HMGB1: variants seen among roughly 807,000 people sequenced by gnomAD.
HMGB1 encodes high mobility group protein B1.
For missense variants in HMGB1, 79 were observed against 253.5 expected (o/e 0.31, Z 4.67); for synonymous variants, 81 against 84.0 (o/e 0.96, Z 0.19).
intron 1 of HMGB1, among the ~76,000 whole-genome samples, chr13:30,546,368 C>T (rs1164081485): frequency 2.6e-5 from 4 of 152,230 alleles, no homozygotes; most frequent in Non-Finnish European, 2.9e-5. Context: ...CCTGCCTTGG[C>T]CTCCCAAAAT....
At chr13:30,605,754 TTC>T (rs947953858) in intron 1 of HMGB1, among the ~76,000 whole-genome samples, 9 of 152,212 alleles carry the variant, frequency 5.9e-5, no homozygotes, top group East Asian at 1.9e-4. Flanking sequence ...GGATTTTTTT[TTC>T]TCTCATTTTA....
At chr13:30,490,754 G>T (rs1887471712) in intron 1 of HMGB1, among the ~76,000 whole-genome samples, 2 of 151,992 alleles carry the variant, frequency 1.3e-5, no homozygotes, top group South Asian at 4.1e-4. Flanking sequence ...CTACATTCCA[G>T]CTTGGGCGAC....
intron 1 of HMGB1, among the ~76,000 whole-genome samples, chr13:30,614,183 G>A (rs1326227444): frequency 6.6e-6 from 1 of 152,168 alleles, no homozygotes; most frequent in East Asian, 1.9e-4. Flanking sequence ...TGCTTCCTAG[G>A]CAGAAAATGA....
intron 1 of HMGB1, among the ~76,000 whole-genome samples, chr13:30,510,461 A>C (rs1183766099): frequency 1.3e-5 from 2 of 152,228 alleles, no homozygotes; most frequent in Admixed American, 6.5e-5. Context: ...TCTGGGAAAA[A>C]AAAGAAAGGA....
At chr13:30,538,615 TTCTC>T (rs397838149) in intron 1 of HMGB1, among the ~76,000 whole-genome samples, 70 of 123,150 alleles carry the variant, frequency 5.7e-4, no homozygotes, top group South Asian at 2.4e-3. Context: ...TTCTTTCTCT[TTCTC>T]TCTCTCTTTC....
chr13:30,495,900 T>C (rs1176881374), intron 1 of HMGB1, among the ~76,000 whole-genome samples: 1 of 152,214 alleles, frequency 6.6e-6, no homozygotes. Context: ...GCTGCTTTTC[T>C]CTGATTGTGG....
At chr13:30,540,036 T>C (rs1868790779) in intron 1 of HMGB1, 1 of 155,394 alleles carries the variant, frequency 6.4e-6, no homozygotes, top group Non-Finnish European at 1.4e-5. Flanking sequence ...CAATCTCTCC[T>C]AACTGGTAGA....
At chr13:30,496,574 G>A (rs1887613687) in intron 1 of HMGB1, among the ~76,000 whole-genome samples, 2 of 152,228 alleles carry the variant, frequency 1.3e-5, no homozygotes, top group African/African-American at 4.8e-5. Context: ...AATGGACCAA[G>A]AAAGCAGCGT....
At chr13:30,470,500 C>T (rs986515051), upstream of HMGB1, among the ~76,000 whole-genome samples, 1 of 152,200 alleles carries the variant, frequency 6.6e-6, no homozygotes, top group Admixed American at 6.5e-5. Context: ...TAGAGAAACA[C>T]ATATAGTCTA....
At chr13:30,547,271 A>T (rs1030408984) in intron 1 of HMGB1, among the ~76,000 whole-genome samples, 1 of 152,234 alleles carries the variant, frequency 6.6e-6, no homozygotes, top group Non-Finnish European at 1.5e-5. Flanking sequence ...CAGGTAAGGC[A>T]CTGCTCCAGT....
chr13:30,547,609 C>A (rs1869220986), intron 1 of HMGB1, among the ~76,000 whole-genome samples: 1 of 151,942 alleles, frequency 6.6e-6, no homozygotes, highest in Non-Finnish European at 1.5e-5. Flanking sequence ...AGAGTCCTTA[C>A]AAACAGGACT....
intron 1 of HMGB1, among the ~76,000 whole-genome samples, chr13:30,608,692 C>G (rs879675766): frequency 3.3e-5 from 5 of 152,216 alleles, no homozygotes; most frequent in African/African-American, 1.2e-4. Flanking sequence ...AAGCTCTATT[C>G]TTGTTGATAG....
chr13:30,614,590 T>C (rs1410347009), intron 1 of HMGB1, among the ~76,000 whole-genome samples: 1 of 152,246 alleles, frequency 6.6e-6, no homozygotes, highest in Admixed American at 6.5e-5. Context: ...TGGGATTAGA[T>C]GTCAGATATT....
intron 1 of HMGB1, among the ~76,000 whole-genome samples, chr13:30,491,782 C>T (rs1382725379): frequency 1.3e-5 from 2 of 151,818 alleles, no homozygotes; most frequent in East Asian, 3.9e-4. Flanking sequence ...AAGAGTTAAA[C>T]AGAGGAGAAG....
chr13:30,595,177 T>C (rs138464666), intron 1 of HMGB1, among the ~76,000 whole-genome samples: 113 of 152,314 alleles, frequency 7.4e-4, no homozygotes, highest in African/African-American at 1.7e-3. Flanking sequence ...TGTTGAAATG[T>C]AGTCTCAGAT....
At chr13:30,538,582 TTC>T (rs1392207682) in intron 1 of HMGB1, among the ~76,000 whole-genome samples, 3 of 146,112 alleles carry the variant, frequency 2.1e-5, no homozygotes, top group Admixed American at 6.8e-5. Context: ...CTTTCTTTCT[TTC>T]TTTTTCTTTC....
At chr13:30,614,523 T>C (rs1166343356) in intron 1 of HMGB1, among the ~76,000 whole-genome samples, 1 of 152,212 alleles carries the variant, frequency 6.6e-6, no homozygotes, top group Non-Finnish European at 1.5e-5. Flanking sequence ...TATTCCAATA[T>C]CAAGTTTAGA....
In HMGB1 at chr13:30,461,683, C is replaced by G. The variant is rs1202244196; in HGVS notation, c.472-150G>C. 6.3e-6 allele frequency: 10 copies of G among 1,576,200 alleles called. No homozygotes were observed. The East Asian group carries it at 2.2e-4, about 35-fold the overall frequency. On this transcript the variant is annotated intron_variant, in intron 4 of 4. Transcript: ENST00000341423. ...AGATCCACAGCAACTCCAGAAATAACTAGAACTTCAATAAATGAACATAAA... is the reference window on the plus strand; with the variant it reads ...AGATCCACAGCAACTCCAGAAATAAGTAGAACTTCAATAAATGAACATAAA...
intron 1 of HMGB1, among the ~76,000 whole-genome samples, chr13:30,544,578 T>C (rs1389358540): frequency 1.3e-5 from 2 of 152,276 alleles, no homozygotes; most frequent in Non-Finnish European, 2.9e-5. Flanking sequence ...GCTGAAAACG[T>C]GGAGGTTCCT....
Sources: gnomAD v4.1 joint callset for allele counts (sites outside exome capture counted in the v4.1 genomes callset) on GRCh38, gnomAD v4.1.1 for gene constraint, MANE v1.5 for transcripts, NCBI Gene and HGNC (gene_info 2026-07-23, HGNC 2026-07-21) for gene names.